FKBP6: variants seen among roughly 807,000 people sequenced by gnomAD.
FKBP6 encodes FKBP prolyl isomerase family member 6 (inactive).
A neutral mutation model predicts 41.7 loss-of-function variants in FKBP6; 29 were observed. That is an observed-to-expected ratio of 0.70 (90% CI 0.52 to 0.95). FKBP6 has a LOEUF of 0.95. Among genes scored for constraint, FKBP6 ranks in the 40% least tolerant of loss-of-function variants. The pLI, the probability that FKBP6 is intolerant of heterozygous loss-of-function variation, is 0.00. For missense variants in FKBP6, 338 were observed against 408.7 expected (o/e 0.83, Z 1.49); for synonymous variants, 130 against 165.1 (o/e 0.79, Z 1.63).
intron 8 of FKBP6, among the ~76,000 whole-genome samples, chr7:73,353,897 C>A (rs572768913): frequency 6.6e-6 from 1 of 152,158 alleles, no homozygotes; most frequent in Non-Finnish European, 1.5e-5. Flanking sequence ...CCACGCCCGG[C>A]TTATTTTTGT....
chr7:73,338,767 A>G (rs1255519872), intron 5 of FKBP6, among the ~76,000 whole-genome samples: 3 of 152,180 alleles, frequency 2.0e-5, no homozygotes, highest in South Asian at 2.1e-4. Context: ...CTATTTGTCT[A>G]TCTTCTTTGG....
intron 5 of FKBP6, among the ~76,000 whole-genome samples, chr7:73,337,242 A>T (rs1805032125): frequency 6.6e-6 from 1 of 151,676 alleles, no homozygotes; most frequent in African/African-American, 2.4e-5. Flanking sequence ...GGGAGGACCA[A>T]GGAAGGCTCA....
At chr7:73,353,064 C>T (rs1805533406) in intron 8 of FKBP6, among the ~76,000 whole-genome samples, 1 of 152,086 alleles carries the variant, frequency 6.6e-6, no homozygotes, top group Non-Finnish European at 1.5e-5. Context: ...GGCATGATAT[C>T]TTCCAATATT....
intron 5 of FKBP6, among the ~76,000 whole-genome samples, chr7:73,332,232 A>T (rs1455965259): frequency 1.3e-5 from 2 of 152,004 alleles, no homozygotes; most frequent in African/African-American, 4.8e-5. Context: ...TCATTTAAAA[A>T]AATCCTCATG....
At chr7:73,342,965 C>A (rs1180653859) in intron 8 of FKBP6, 66 bp downstream of exon 8, 22 of 1,066,796 alleles carry the variant, frequency 2.1e-5, no homozygotes, top group Middle Eastern at 2.3e-4. Context: ...TCCTCCACCC[C>A]CAAGTGAATG....
chr7:73,329,260 C>A, intron 2 of FKBP6, 100 bp from the exon 3 acceptor site: 1 of 814,224 alleles, frequency 1.2e-6, no homozygotes, highest in South Asian at 1.3e-5. Flanking sequence ...AGCTTAAGCT[C>A]ATCTGTTCAC....
At chr7:73,339,777 C>A (rs1805116651) in intron 5 of FKBP6, among the ~76,000 whole-genome samples, 1 of 152,074 alleles carries the variant, frequency 6.6e-6, no homozygotes, top group South Asian at 2.1e-4. Flanking sequence ...CCACACCCAG[C>A]TGATTTCGTA....
At chr7:73,332,188 C>T (rs1320393217) in intron 5 of FKBP6, among the ~76,000 whole-genome samples, 1 of 152,072 alleles carries the variant, frequency 6.6e-6, no homozygotes. Flanking sequence ...TTGTCTTTCT[C>T]CCTACTTTCT....
At chr7:73,335,525 A>G (rs782515950) in intron 5 of FKBP6, among the ~76,000 whole-genome samples, 1 of 152,226 alleles carries the variant, frequency 6.6e-6, no homozygotes, top group Non-Finnish European at 1.5e-5. Flanking sequence ...TGTCTGCTCC[A>G]GCCTGCCCCC....
At chr7:73,355,378 A>G (rs1290856162) in intron 8 of FKBP6, among the ~76,000 whole-genome samples, 2 of 152,136 alleles carry the variant, frequency 1.3e-5, no homozygotes, top group African/African-American at 4.8e-5. Context: ...GAGCTTTCCT[A>G]TGTTGGCGCA....
At chr7:73,333,898 C>T (rs1202212225) in intron 5 of FKBP6, among the ~76,000 whole-genome samples, 1 of 152,070 alleles carries the variant, frequency 6.6e-6, no homozygotes, top group Non-Finnish European at 1.5e-5. Flanking sequence ...ATGGTGAAAC[C>T]CCGTCTCTAC....
At position 73,328,405 on chromosome 7, in the gene FKBP6, C is replaced by G. The variant is rs533440026; in HGVS notation, c.-24C>G. On this transcript the variant is annotated 5_prime_UTR_variant, in exon 1 of 9. Transcript: ENST00000252037. ...CGGGGCGCACCAGGCCGAAGGCTCACGCCACAGGGAGGGCAGCTAGGACAT... is the reference window on the plus strand; with the variant it reads ...CGGGGCGCACCAGGCCGAAGGCTCAGGCCACAGGGAGGGCAGCTAGGACAT... 1 of 1,568,446 alleles carries G rather than the reference C, an allele frequency of 6.4e-7. No individual in the cohort carries two copies. The highest frequency in any genetic ancestry group is 8.6e-7 in the Non-Finnish European group (1 of 1,157,696).
In FKBP6 at chr7:73,340,637, G is replaced by A. The variant is rs1554549292; in HGVS notation, c.589-1G>A. The stretch of plus-strand genomic sequence containing the variant: ...TGACCATCTGCCTTCCCTCTCCACA[G>A]GCCCTATTGCTTCTGCGCCGGCGAT... On this transcript the variant is annotated splice_acceptor_variant, in intron 5 of 8. Coordinates refer to ENST00000252037, the MANE Select transcript of FKBP6 (RefSeq NM_003602.5). LOFTEE classifies it high-confidence loss of function. 1 of 1,613,024 alleles carries A rather than the reference G, an allele frequency of 6.2e-7. No individual in the cohort carries two copies. The highest frequency in any genetic ancestry group is 8.5e-7 in the Non-Finnish European group (1 of 1,179,776).
intron 5 of FKBP6, chr7:73,336,763 C>T (rs946911260): frequency 1.2e-4 from 54 of 456,464 alleles, no homozygotes; most frequent in African/African-American, 8.4e-4. Flanking sequence ...TGTTAGGCAC[C>T]GTGCTGGGTG....
At position 73,341,263 on chromosome 7, in the gene FKBP6, C is replaced by G. The variant is rs1167684033; in HGVS notation, c.784-10C>G. On this transcript the variant is annotated splice_polypyrimidine_tract_variant and intron_variant, in intron 6 of 8. Transcript: ENST00000252037. Reference sequence around the variant, plus strand: ...CTAACTGTGCTTTTAAAGTTCTCTCCTTGGGACAGGCTTGTCTTCTCCTGA... The same window carrying G: ...CTAACTGTGCTTTTAAAGTTCTCTCGTTGGGACAGGCTTGTCTTCTCCTGA... 2 of 1,582,642 alleles carry G rather than the reference C, an allele frequency of 1.3e-6. No individual in the cohort carries two copies. The highest frequency in any genetic ancestry group is 2.7e-5 in the African/African-American group (2 of 74,320).
In FKBP6 at chr7:73,332,493, C is replaced by CA. The variant is rs202138259; in HGVS notation, c.588+731dup. Reference sequence around the variant, plus strand: ...AAGAAAGGCAAAAAAACTCCCATCTCAAAAAAAAAAAAAATCCTCATGCCA... The same window carrying CA: ...AAGAAAGGCAAAAAAACTCCCATCTCAAAAAAAAAAAAAAATCCTCATGCCA... On this transcript the variant is annotated intron_variant, in intron 5 of 8. Coordinates refer to ENST00000252037, the MANE Select transcript of FKBP6 (RefSeq NM_003602.5). 1.1e-3 allele frequency among the ~76,000 whole-genome samples: 129 copies of CA among 119,362 alleles called. 1 individual carries two copies. The highest frequency in any genetic ancestry group is 3.3e-3 in the East Asian group (14 of 4,198). The allele number at this position is 119,362 out of a possible 152,430, so 78.3% of individuals were successfully genotyped here.
intron 5 of FKBP6, among the ~76,000 whole-genome samples, chr7:73,335,782 C>A (rs1189011553): frequency 6.6e-6 from 1 of 152,130 alleles, no homozygotes; most frequent in Non-Finnish European, 1.5e-5. Flanking sequence ...TGCCACCCAC[C>A]CTGAACCTTT....
intron 8 of FKBP6, among the ~76,000 whole-genome samples, 192 bp from the exon 9 acceptor site, chr7:73,357,989 A>C (rs368869054): frequency 6.7e-6 from 1 of 150,266 alleles, no homozygotes; most frequent in East Asian, 1.9e-4. Context: ...TCTGTCTCAA[A>C]AAAAAAAAAA....
intron 5 of FKBP6, 57 bp from the exon 6 acceptor site, chr7:73,340,581 A>G (rs1805143075): frequency 2.1e-6 from 3 of 1,438,284 alleles, no homozygotes; most frequent in Non-Finnish European, 2.9e-6. Flanking sequence ...TGGATTCTTT[A>G]GGGTTTTGTA....
Sources: gnomAD v4.1 joint callset for allele counts (sites outside exome capture counted in the v4.1 genomes callset) on GRCh38, gnomAD v4.1.1 for gene constraint, MANE v1.5 for transcripts, NCBI Gene and HGNC (gene_info 2026-07-23, HGNC 2026-07-21) for gene names.